NOTCH2: variants seen among roughly 807,000 people sequenced by gnomAD.
The protein encoded by NOTCH2 is neurogenic locus notch homolog protein 2.
A neutral mutation model predicts 235.8 loss-of-function variants in NOTCH2; 29 were observed. The ratio of observed to expected loss-of-function variants is 0.12; its 90% CI spans 0.09 to 0.17. The LOEUF (loss-of-function observed/expected upper bound fraction) is 0.17, where lower values mean the gene tolerates loss of function less well. Among genes scored for constraint, NOTCH2 ranks in the 10% least tolerant of loss-of-function variants. The pLI is 1.00. For synonymous variants in NOTCH2, 1,086 were observed against 1,141.5 expected, an observed-to-expected ratio of 0.95 and a Z score of 0.98; for missense variants, 2,285 against 3,150.2, an observed-to-expected ratio of 0.73 and a Z score of 6.57.
chr1:119,927,012 T>A (rs1452007507), intron 23 of NOTCH2, among the ~76,000 whole-genome samples: 1 of 152,258 alleles, frequency 6.6e-6, no homozygotes, highest in Admixed American at 6.5e-5. Flanking sequence ...TAGGAGAGGC[T>A]ACACCAGGCC....
intron 2 of NOTCH2, among the ~76,000 whole-genome samples, chr1:120,022,783 A>G (rs1228904079): frequency 2.0e-5 from 3 of 151,404 alleles, no homozygotes; most frequent in African/African-American, 7.3e-5. Context: ...CCCTTTTTGT[A>G]TACTTTCAAA....
At chr1:119,968,430 T>G (rs1651232734) in intron 6 of NOTCH2, among the ~76,000 whole-genome samples, 198 bp from the exon 7 acceptor site, 1 of 152,136 alleles carries the variant, frequency 6.6e-6, no homozygotes, top group African/African-American at 2.4e-5. Context: ...GATGCAACCC[T>G]AGACTCTGAC....
chr1:119,980,669 A>T (rs587731781), intron 5 of NOTCH2, among the ~76,000 whole-genome samples: 1 of 152,302 alleles, frequency 6.6e-6, no homozygotes, highest in South Asian at 2.1e-4. Context: ...CCTGGTTGTC[A>T]GTTATTAATA....
At chr1:119,999,168 A>G (rs1652610358) in intron 3 of NOTCH2, among the ~76,000 whole-genome samples, 1 of 148,666 alleles carries the variant, frequency 6.7e-6, no homozygotes, top group African/African-American at 2.6e-5. Context: ...ATGTGTCTTT[A>G]TAGCAGCACG....
chr1:120,039,002 A>C (rs1654432086), intron 1 of NOTCH2, among the ~76,000 whole-genome samples: 1 of 151,844 alleles, frequency 6.6e-6, no homozygotes, highest in African/African-American at 2.4e-5. Context: ...CAGAGTAATA[A>C]AAAAATTCCA....
intron 17 of NOTCH2, among the ~76,000 whole-genome samples, chr1:119,944,738 C>T (rs1650194227): frequency 6.6e-6 from 1 of 152,000 alleles, no homozygotes; most frequent in African/African-American, 2.4e-5. Context: ...CTTTAAAGTG[C>T]TGAAAGAGAA....
chr1:119,956,858 T>A (rs1553198405), intron 12 of NOTCH2, among the ~76,000 whole-genome samples: 2 of 152,220 alleles, frequency 1.3e-5, no homozygotes. Context: ...CTATGTTGAT[T>A]GACAGCTGTT....
At chr1:119,953,502 A>G (rs781977992) in intron 14 of NOTCH2, 41 bp downstream of exon 14, 5 of 1,609,854 alleles carry the variant, frequency 3.1e-6, no homozygotes, top group Non-Finnish European at 4.3e-6. Flanking sequence ...AACAACAAGA[A>G]GACAAAGAGC....
Position 120,010,789 on chromosome 1 carries a change from G to A in NOTCH2, c.156-5201C>T, listed in dbSNP as rs587692415. 2.3e-3 allele frequency among the ~76,000 whole-genome samples: 345 copies of A among 152,170 alleles called. 1 individual carries two copies. Among genetic ancestry groups the A allele is most frequent in the Non-Finnish European group, 3.9e-3 (264 of 67,994 alleles). ...TGCCTCCCTTCCTAGGTATATACCC[G>A]AGATAACTGAAAACATATGCCCAGA... is the stretch of plus-strand genomic sequence containing the variant. On this transcript the variant is annotated intron_variant, in intron 2 of 33. Coordinates refer to ENST00000256646, the MANE Select transcript of NOTCH2 (RefSeq NM_024408.4).
rs587598686 is a variant in NOTCH2, at chr1:119,952,373, A to G, written c.2365+1170T>C. On this transcript the variant is annotated intron_variant, in intron 14 of 33. Transcript: ENST00000256646. ...TATTGTGCACTTTACTTTTATTATTATAATATTACACTGTAATATACAATG... is the reference window on the plus strand; with the variant it reads ...TATTGTGCACTTTACTTTTATTATTGTAATATTACACTGTAATATACAATG... Among the ~76,000 whole-genome samples the G allele has an allele frequency of 2.0e-4, 30 of 152,304 alleles. No homozygotes were observed. The South Asian group carries it at 5.8e-3, about 29-fold the overall frequency.
rs762673831 is a variant in NOTCH2 at position 119,916,481 on chromosome 1, A to G, written c.6241T>C (p.Ser2081Pro). Residue 2081 changes from serine (S) to proline (P), a missense_variant, in exon 34 of 34, where the codon TCA becomes CCA. Coordinates refer to ENST00000256646, the MANE Select transcript of NOTCH2 (RefSeq NM_024408.4). ...CTGTTGGGCCCACAGATGACAGGTG[A>G]GAGAGCAGAAGTCAACACGGTGCCT... Reference protein sequence around the residue: ...PPGTVLTSALSPVICGPNRSF... With the variant: ...PPGTVLTSALPPVICGPNRSF... The G allele has an allele frequency of 6.2e-7, 1 of 1,612,550 alleles. No homozygotes were observed. The highest frequency in any genetic ancestry group is 1.7e-5 in the Admixed American group (1 of 59,992).
intron 5 of NOTCH2, among the ~76,000 whole-genome samples, chr1:119,982,875 C>T (rs1651865476): frequency 6.6e-6 from 1 of 152,202 alleles, no homozygotes; most frequent in Non-Finnish European, 1.5e-5. Flanking sequence ...GTATATAACA[C>T]AGTTCTGCCC....
chr1:120,014,575 C>G (rs1653353736), intron 2 of NOTCH2, among the ~76,000 whole-genome samples: 1 of 133,806 alleles, frequency 7.5e-6, no homozygotes, highest in Non-Finnish European at 1.6e-5. Flanking sequence ...AAGGATACCC[C>G]TACAGTTTCC....
intron 1 of NOTCH2, among the ~76,000 whole-genome samples, chr1:120,065,746 T>C (rs1453555178): frequency 1.3e-5 from 2 of 152,048 alleles, no homozygotes; most frequent in African/African-American, 4.8e-5. Context: ...GACCTTTTGG[T>C]TTCAAGTCAT....
At chr1:120,005,654 A>G (rs1652945128) in intron 2 of NOTCH2, 66 bp from the exon 3 acceptor site, 1 of 897,528 alleles carries the variant, frequency 1.1e-6, no homozygotes, top group Non-Finnish European at 1.8e-6. Context: ...AATTACAGTA[A>G]AACAATACAG....
At position 119,924,131 on chromosome 1, in the gene NOTCH2, G is replaced by C. The variant is rs17024521; in HGVS notation, c.4512-147C>G. The C allele has an allele frequency of 0.036, 25,141 of 693,492 alleles. 882 individuals are homozygous for C. The highest frequency in any genetic ancestry group is 0.1 in the South Asian group (6,284 of 60,082). The allele number at this position is 693,492 out of a possible 1,614,324, so 43.0% of individuals were successfully genotyped here. A position where few individuals can be genotyped will look rare whatever the true frequency, so the allele number is the denominator to read the frequency against. ...CCAAATGCCCCACAAAACCTTCTTTGCATCTCCTATCCCTGATGCCTATGC... is the reference window on the plus strand; with the variant it reads ...CCAAATGCCCCACAAAACCTTCTTTCCATCTCCTATCCCTGATGCCTATGC... On this transcript the variant is annotated intron_variant, in intron 25 of 33. Coordinates refer to ENST00000256646, the MANE Select transcript of NOTCH2 (RefSeq NM_024408.4).
intron 11 of NOTCH2, among the ~76,000 whole-genome samples, chr1:119,959,999 G>A (rs1650873792): frequency 6.6e-6 from 1 of 152,142 alleles, no homozygotes; most frequent in South Asian, 2.1e-4. Context: ...GCATTTCTGT[G>A]GCATGCCAAG....
rs1378776407 is a variant in NOTCH2, at chr1:119,915,653, T to C, written c.7069A>G (p.Met2357Val). Residue 2357 changes from methionine (M) to valine (V), a missense_variant, in exon 34 of 34, where the codon ATG becomes GTG. This residue lies in a region of NOTCH2 where 504 missense variants were observed against 538.0 expected (regional missense o/e 0.94). Coordinates refer to ENST00000256646, the MANE Select transcript of NOTCH2 (RefSeq NM_024408.4). ...ACCTGCCCGTCCTGCTGGGGCATCA[T>C]GGCAGTGGGGAAAGCCACACTGGGC... Reference protein sequence around the residue: ...RLPSVAFPTAMMPQQDGQVAQ... With the variant: ...RLPSVAFPTAVMPQQDGQVAQ... The C allele has an allele frequency of 6.2e-7, 1 of 1,614,002 alleles. No homozygotes were observed. Among genetic ancestry groups the C allele is most frequent in the East Asian group, 2.2e-5 (1 of 44,874 alleles).
intron 2 of NOTCH2, among the ~76,000 whole-genome samples, chr1:120,010,381 T>G (rs1170344745): frequency 7.9e-5 from 12 of 152,092 alleles, no homozygotes; most frequent in African/African-American, 2.2e-4. Flanking sequence ...ATCACCAGCC[T>G]CTGCTTGAAT....
Sources: allele counts gnomAD v4.1 joint callset (sites outside exome capture counted in the v4.1 genomes callset), GRCh38; gene constraint gnomAD v4.1.1; regional missense constraint gnomAD v4.1.1; transcripts MANE v1.5; gene names NCBI Gene and HGNC (gene_info 2026-07-23, HGNC 2026-07-21).